C1QTNF7: variants seen among roughly 807,000 people sequenced by gnomAD.
C1QTNF7 encodes complement C1q tumor necrosis factor-related protein 7.
In C1QTNF7, 15 loss-of-function variants were observed where a neutral mutation model predicts 19.6. The observed-to-expected ratio is 0.76, with a 90% CI of 0.51 to 1.18. The LOEUF (loss-of-function observed/expected upper bound fraction) is 1.18, where lower values mean the gene tolerates loss of function less well. Among genes scored for constraint, C1QTNF7 ranks in the 50% most tolerant of loss-of-function variants. The pLI is 0.00. For synonymous variants in C1QTNF7, 142 were observed against 137.5 expected (o/e 1.03, Z -0.23); for missense variants, 324 against 359.7 (o/e 0.90, Z 0.80).
At chr4:15,418,739 G>T (rs1363891582) in intron 1 of C1QTNF7, among the ~76,000 whole-genome samples, 2 of 152,136 alleles carry the variant, frequency 1.3e-5, no homozygotes, top group Non-Finnish European at 2.9e-5. Context: ...ATGGCCTCAG[G>T]CAAGTTATTT....
intron 1 of C1QTNF7, among the ~76,000 whole-genome samples, chr4:15,375,312 T>C (rs1025203743): frequency 1.3e-5 from 2 of 152,216 alleles, no homozygotes; most frequent in African/African-American, 4.8e-5. Flanking sequence ...TTAAGGGTGT[T>C]GATTTATTTA....
chr4:15,406,289 A>G (rs2108911647), intron 1 of C1QTNF7, among the ~76,000 whole-genome samples: 1 of 152,344 alleles, frequency 6.6e-6, no homozygotes, highest in African/African-American at 2.4e-5. Flanking sequence ...GTGAGAGTAT[A>G]GACCAGAGCT....
chr4:15,427,261 T>C (rs1439119743), upstream of C1QTNF7, among the ~76,000 whole-genome samples: 2 of 152,214 alleles, frequency 1.3e-5, no homozygotes, highest in African/African-American at 4.8e-5. Flanking sequence ...CAAGATTTTT[T>C]TCAGTCGTCT....
upstream of C1QTNF7, among the ~76,000 whole-genome samples, chr4:15,425,158 G>A (rs1711979861): frequency 3.9e-5 from 6 of 152,192 alleles, no homozygotes; most frequent in South Asian, 1.0e-3. Context: ...ATTTGAGCAA[G>A]AGTAGATAAG....
intron 1 of C1QTNF7, among the ~76,000 whole-genome samples, chr4:15,415,056 G>C (rs747216330): frequency 1.3e-5 from 2 of 152,230 alleles, no homozygotes; most frequent in Non-Finnish European, 2.9e-5. Flanking sequence ...CATGCTGAAA[G>C]CATTTGCTTC....
intron 1 of C1QTNF7, among the ~76,000 whole-genome samples, chr4:15,384,037 T>C (rs1228387755): frequency 6.6e-6 from 1 of 152,218 alleles, no homozygotes; most frequent in African/African-American, 2.4e-5. Context: ...GACTTGGTCT[T>C]GAACAAGCAT....
chr4:15,375,830 T>G (rs1024446895), intron 1 of C1QTNF7, among the ~76,000 whole-genome samples: 6 of 152,230 alleles, frequency 3.9e-5, no homozygotes, highest in African/African-American at 1.2e-4. Context: ...ATAATTGCCC[T>G]TAACTCTAGT....
At chr4:15,434,825 C>T (rs1375624293) in intron 1 of C1QTNF7, among the ~76,000 whole-genome samples, 1 of 152,204 alleles carries the variant, frequency 6.6e-6, no homozygotes, top group African/African-American at 2.4e-5. Context: ...GGCTTAATTT[C>T]ACACAGCTCT....
At position 15,392,754 on chromosome 4, in the gene C1QTNF7, C is replaced by A. The variant is rs573912323; in HGVS notation, c.14-42982C>A. Among the ~76,000 whole-genome samples the A allele has an allele frequency of 2.1e-4, 32 of 152,286 alleles. No individual in the cohort carries two copies. In the East Asian group the frequency reaches 6.0e-3, roughly 28 times the overall value. On this transcript the variant is annotated intron_variant, in intron 1 of 2. Coordinates refer to the C1QTNF7 transcript ENST00000295297. ...CCTTTCTCCCTCACCTAGCAAAAAA[C>A]ACCAATAATTATGATATAGAAAGGG...
chr4:15,391,305 C>A (rs577758129), intron 1 of C1QTNF7, among the ~76,000 whole-genome samples: 61 of 152,084 alleles, frequency 4.0e-4, no homozygotes, highest in African/African-American at 1.3e-3. Context: ...TCCTACAGTC[C>A]AGTCTCAGTG....
In C1QTNF7 at chr4:15,406,541, G is replaced by A. The variant is rs1719201000; in HGVS notation, c.14-29195G>A. Among the ~76,000 whole-genome samples the A allele has an allele frequency of 2.6e-5, 4 of 152,290 alleles. No individual in the cohort carries two copies. The Middle Eastern group carries it at 0.014, about 518-fold the overall frequency. On this transcript the variant is annotated intron_variant, in intron 1 of 2. Transcript: ENST00000295297. ...GGAAGTAAGAGGAAAACAGGGTGGG[G>A]GCTGAGTATGCTGCCAGCGTCAAAC...
At chr4:15,340,345 A>G (rs1397424517) in intron 1 of C1QTNF7, 28 of 1,145,130 alleles carry the variant, frequency 2.4e-5, no homozygotes, top group Non-Finnish European at 3.5e-5. Context: ...CAAATGATAA[A>G]TCAGAGGTTA....
chr4:15,443,492 G>T lies in C1QTNF7; in HGVS notation c.*693G>T, dbSNP rs574964507. 1.3e-5 allele frequency: 2 copies of T among 152,246 alleles called. No individual in the cohort carries two copies. Among genetic ancestry groups the T allele is most frequent in the Admixed American group, 1.3e-4 (2 of 15,288 alleles). The allele number at this position is 152,246 out of a possible 1,614,324, so 9.4% of individuals were successfully genotyped here. A position where few individuals can be genotyped will look rare whatever the true frequency, so the allele number is the denominator to read the frequency against. On this transcript the variant is annotated 3_prime_UTR_variant, in exon 3 of 3. Transcript: ENST00000444304. ...TGGATTTGAAGCTAAAAGCACACAG[G>T]GTCTGCTATTCCTGAGGCTGGGGGC... is the stretch of plus-strand genomic sequence containing the variant.
chr4:15,342,513 AG>A (rs1205836968), intron 1 of C1QTNF7, among the ~76,000 whole-genome samples: 1 of 152,242 alleles, frequency 6.6e-6, no homozygotes, highest in Non-Finnish European at 1.5e-5. Flanking sequence ...GAAAGATGGC[AG>A]GAACACAGAG....
intron 1 of C1QTNF7, among the ~76,000 whole-genome samples, chr4:15,343,564 G>C (rs1412773981): frequency 1.3e-5 from 2 of 152,074 alleles, no homozygotes; most frequent in East Asian, 1.9e-4. Flanking sequence ...TGTGGTAAAG[G>C]ACAATGCAAT....
rs1419762222 is a variant in C1QTNF7 at position 15,359,539 on chromosome 4, T to C, written c.13+19332T>C. 3.3e-5 allele frequency among the ~76,000 whole-genome samples: 5 copies of C among 152,246 alleles called. No homozygotes were observed. In the East Asian group the frequency reaches 9.7e-4, roughly 29 times the overall value. On this transcript the variant is annotated intron_variant, in intron 1 of 2. Transcript: ENST00000295297. ...CATCCCAGACCCCTTTCCTCCTAAA[T>C]AAAAGTGTCAATCCCAAATACTTCC... is the stretch of plus-strand genomic sequence containing the variant.
chr4:15,436,385 CAGAG>C (rs1191564540), intron 2 of C1QTNF7, among the ~76,000 whole-genome samples: 1 of 152,184 alleles, frequency 6.6e-6, no homozygotes, highest in African/African-American at 2.4e-5. Flanking sequence ...GATGGACAGA[CAGAG>C]AGATGGACAG....
intron 1 of C1QTNF7, among the ~76,000 whole-genome samples, chr4:15,374,360 C>A (rs4303974): frequency 0.23 from 35,309 of 152,166 alleles, 4,514 homozygotes; most frequent in East Asian, 0.29. Flanking sequence ...CCCAGCACAA[C>A]AATGAGAAGG....
At chr4:15,387,155 A>G (rs1718369113) in intron 1 of C1QTNF7, among the ~76,000 whole-genome samples, 1 of 152,190 alleles carries the variant, frequency 6.6e-6, no homozygotes, top group Admixed American at 6.5e-5. Context: ...GGAGAATCAA[A>G]GGGGACTCCA....
Sources: gnomAD v4.1 joint callset for allele counts (sites outside exome capture counted in the v4.1 genomes callset) on GRCh38, gnomAD v4.1.1 for gene constraint, MANE v1.5 for transcripts, NCBI Gene and HGNC (gene_info 2026-07-23, HGNC 2026-07-21) for gene names.